The following FTO variants were observed in gnomAD, a reference collection of about 807,000 sequenced individuals.
FTO encodes FTO alpha-ketoglutarate dependent dioxygenase.
In FTO, 47 loss-of-function variants were observed where a neutral mutation model predicts 63.9. The ratio of observed to expected loss-of-function variants is 0.74; its 90% CI spans 0.58 to 0.94. The LOEUF (loss-of-function observed/expected upper bound fraction) is 0.94, where lower values mean the gene tolerates loss of function less well. FTO is among the 40% of genes least tolerant of loss of function. The pLI is 0.00. For missense variants in FTO, 562 were observed against 618.1 expected, an observed-to-expected ratio of 0.91 and a Z score of 0.96; for synonymous variants, 207 against 224.4, an observed-to-expected ratio of 0.92 and a Z score of 0.69.
At chr16:53,810,251 G>A (rs773590064) in intron 2 of FTO, 34 bp downstream of exon 2, 1 of 1,394,532 alleles carries the variant, frequency 7.2e-7, no homozygotes, top group Non-Finnish European at 1.0e-6. Context: ...CAGTTTCAGT[G>A]ATGTGTTCTG....
chr16:53,854,301 G>A (rs1300625116), intron 4 of FTO, among the ~76,000 whole-genome samples: 2 of 152,078 alleles, frequency 1.3e-5, no homozygotes, highest in Non-Finnish European at 2.9e-5. Flanking sequence ...TTGTGCAGAA[G>A]CTTTTTAGTT....
chr16:53,899,827 G>C (rs1567413807), intron 7 of FTO, among the ~76,000 whole-genome samples: 1 of 152,314 alleles, frequency 6.6e-6, no homozygotes, highest in East Asian at 1.9e-4. Flanking sequence ...TTTCACACAG[G>C]AAGTCTTTTG....
At chr16:53,796,277 C>A (rs1467051198) in intron 1 of FTO, among the ~76,000 whole-genome samples, 7 of 152,114 alleles carry the variant, frequency 4.6e-5, no homozygotes, top group Non-Finnish European at 1.0e-4. Context: ...CTCCTGACCT[C>A]AGGTGATCGG....
chr16:53,720,077 T>C (rs928696780), intron 1 of FTO, among the ~76,000 whole-genome samples: 2 of 152,142 alleles, frequency 1.3e-5, no homozygotes, highest in Non-Finnish European at 2.9e-5. Context: ...CTATAGTTAG[T>C]GGAAGTTTAG....
chr16:53,762,455 C>T (rs537901599), intron 1 of FTO, among the ~76,000 whole-genome samples: 1 of 152,172 alleles, frequency 6.6e-6, no homozygotes, highest in South Asian at 2.1e-4. Context: ...GACTGAGCAG[C>T]AGACATGAAA....
intron 1 of FTO, chr16:53,711,289 C>A (rs1186158192): frequency 5.1e-6 from 2 of 394,400 alleles, no homozygotes; most frequent in Admixed American, 8.8e-5. Context: ...CAGAATGGTA[C>A]TAGTTTTGTA....
chr16:54,031,809 C>A (rs2084838718), intron 8 of FTO, among the ~76,000 whole-genome samples: 1 of 152,112 alleles, frequency 6.6e-6, no homozygotes, highest in Admixed American at 6.5e-5. Flanking sequence ...CCTTAGCAAA[C>A]CTTAAGTCCT....
At chr16:53,725,161 T>C (rs2076126236) in intron 1 of FTO, among the ~76,000 whole-genome samples, 1 of 152,218 alleles carries the variant, frequency 6.6e-6, no homozygotes. Flanking sequence ...AGGAGAACTT[T>C]CTTTTATCTT....
intron 5 of FTO, among the ~76,000 whole-genome samples, chr16:53,875,926 C>T (rs889865987): frequency 2.0e-5 from 3 of 152,160 alleles, no homozygotes; most frequent in Non-Finnish European, 2.9e-5. Context: ...TGACCTCAGT[C>T]GATCCACCCA....
intron 1 of FTO, among the ~76,000 whole-genome samples, chr16:53,757,628 CACTGGGGCTTTT>C (rs2076954531): frequency 6.6e-6 from 1 of 151,722 alleles, no homozygotes. Flanking sequence ...AGAAAAGAGC[CACTGGGGCTTTT>C]ATAAGTCTAT....
intron 8 of FTO, among the ~76,000 whole-genome samples, chr16:54,032,591 G>A (rs1391517212): frequency 6.6e-6 from 1 of 152,182 alleles, no homozygotes; most frequent in Non-Finnish European, 1.5e-5. Context: ...CAAACAGTTT[G>A]TTGATTTTGA....
At chr16:53,944,958 C>A (rs912086622) in intron 8 of FTO, among the ~76,000 whole-genome samples, 1 of 152,188 alleles carries the variant, frequency 6.6e-6, no homozygotes, top group Non-Finnish European at 1.5e-5. Flanking sequence ...GGGAAGAACA[C>A]TAGACAGAGT....
chr16:54,005,802 G>C (rs1471376674), intron 8 of FTO, among the ~76,000 whole-genome samples: 1 of 152,210 alleles, frequency 6.6e-6, no homozygotes, highest in Non-Finnish European at 1.5e-5. Context: ...TCATTTCAAA[G>C]GCAAAGGAAC....
intron 8 of FTO, among the ~76,000 whole-genome samples, chr16:54,056,628 C>T (rs932029594): frequency 4.6e-5 from 7 of 152,156 alleles, no homozygotes; most frequent in Non-Finnish European, 4.4e-5. Flanking sequence ...TATGGAGAAG[C>T]CCTTAAGTTG....
intron 1 of FTO, among the ~76,000 whole-genome samples, chr16:53,773,704 G>C (rs2151637602): frequency 1.3e-5 from 2 of 152,268 alleles, no homozygotes; most frequent in Middle Eastern, 6.8e-3. Context: ...GTTCAGAATA[G>C]GTTTATATTA....
rs149410745 is a variant in FTO, at chr16:53,871,049, G to A, written c.896-2737G>A. 2.3e-3 allele frequency among the ~76,000 whole-genome samples: 344 copies of A among 152,140 alleles called. 4 individuals are homozygous for A. The highest frequency in any genetic ancestry group is 2.1e-3 in the Non-Finnish European group (141 of 67,986). Reference sequence around the variant, plus strand: ...CTGTCATTCTAATCTTTGTCCCTCTGTATTTAATGTCTCTTTTTCTGACTG... The same window carrying A: ...CTGTCATTCTAATCTTTGTCCCTCTATATTTAATGTCTCTTTTTCTGACTG... On this transcript the variant is annotated intron_variant, in intron 4 of 8. Transcript: ENST00000471389.
chr16:53,771,465 C>T (rs1043609238), intron 1 of FTO, among the ~76,000 whole-genome samples: 4 of 151,908 alleles, frequency 2.6e-5, no homozygotes, highest in Non-Finnish European at 4.4e-5. Flanking sequence ...CCTATCTAGT[C>T]TCCTTGCTTC....
At chr16:53,929,206 A>G (rs2082222470) in intron 7 of FTO, among the ~76,000 whole-genome samples, 2 of 152,188 alleles carry the variant, frequency 1.3e-5, no homozygotes, top group Non-Finnish European at 2.9e-5. Context: ...TGGTTCCATC[A>G]TGCTCAAAAA....
intron 1 of FTO, among the ~76,000 whole-genome samples, chr16:53,766,539 AC>A (rs758525397): frequency 6.6e-6 from 1 of 152,086 alleles, no homozygotes; most frequent in Non-Finnish European, 1.5e-5. Flanking sequence ...CTAGATTGTG[AC>A]CATTTACTGA....
Sources: gnomAD v4.1 joint callset for allele counts (sites outside exome capture counted in the v4.1 genomes callset) on GRCh38, gnomAD v4.1.1 for gene constraint, MANE v1.5 for transcripts, NCBI Gene and HGNC (gene_info 2026-07-23, HGNC 2026-07-21) for gene names.